The following ENPP3 variants were observed in gnomAD, a reference collection of about 807,000 sequenced individuals.
ENPP3 encodes ectonucleotide pyrophosphatase/phosphodiesterase 3.
In ENPP3, 104 loss-of-function variants were observed where a neutral mutation model predicts 117.8. That is an observed-to-expected ratio of 0.88 (90% confidence interval 0.75 to 1.04). The LOEUF (loss-of-function observed/expected upper bound fraction) is 1.04. Ranked by LOEUF, ENPP3 falls within the 50% of genes least tolerant of loss-of-function variation. The pLI is 0.00. For missense variants in ENPP3, 1,026 were observed against 1,051.9 expected (o/e 0.98, Z 0.34); for synonymous variants, 380 against 349.9 (o/e 1.09, Z -0.96).
intron 1 of ENPP3, 77 bp downstream of exon 1, chr6:131,637,539 C>G (rs1480756954): frequency 1.3e-6 from 1 of 769,956 alleles, no homozygotes; most frequent in Non-Finnish European, 2.1e-6. Flanking sequence ...ATTTACATTT[C>G]TTTGTGTTGC....
chr6:131,655,096 G>A (rs1483115107), intron 5 of ENPP3, among the ~76,000 whole-genome samples: 1 of 152,148 alleles, frequency 6.6e-6, no homozygotes, highest in Non-Finnish European at 1.5e-5. Flanking sequence ...TACATAGTAG[G>A]TACTCAAGAA....
chr6:131,692,582 C>A (rs1779303226), intron 14 of ENPP3, among the ~76,000 whole-genome samples: 2 of 149,422 alleles, frequency 1.3e-5, no homozygotes, highest in African/African-American at 2.4e-5. Flanking sequence ...GTAATTTAGA[C>A]TCAAAAGTTG....
intron 6 of ENPP3, among the ~76,000 whole-genome samples, chr6:131,665,686 A>T (rs1778602297): frequency 6.6e-6 from 1 of 151,944 alleles, no homozygotes; most frequent in Admixed American, 6.6e-5. Flanking sequence ...ACCAACTCTT[A>T]GTTTCATTGA....
intron 10 of ENPP3, among the ~76,000 whole-genome samples, chr6:131,677,227 C>A (rs1310855318): frequency 6.6e-6 from 1 of 152,066 alleles, no homozygotes; most frequent in Non-Finnish European, 1.5e-5. Flanking sequence ...ACAGTGATAT[C>A]TCTCTCAAAA....
At position 131,637,326 on chromosome 6, in the gene ENPP3, G is replaced by T; in HGVS notation, c.-59G>T. ...CATACAGTTTCTCTTTGCCAGACTAGACTAAAGAAGGAGCACTAATTTATT... is the reference window on the plus strand; with the variant it reads ...CATACAGTTTCTCTTTGCCAGACTATACTAAAGAAGGAGCACTAATTTATT... On this transcript the variant is annotated 5_prime_UTR_variant, in exon 1 of 25. Transcript: ENST00000357639. The T allele has an allele frequency of 2.8e-6, 3 of 1,086,458 alleles. No individual in the cohort carries two copies. Among genetic ancestry groups the T allele is most frequent in the South Asian group, 1.8e-5 (1 of 57,012 alleles). 67.3% of individuals were successfully genotyped at this position (1,086,458 alleles called of 1,614,324 possible).
At chr6:131,678,807 G>A (rs1185516177) in intron 11 of ENPP3, among the ~76,000 whole-genome samples, 1 of 152,156 alleles carries the variant, frequency 6.6e-6, no homozygotes, top group South Asian at 2.1e-4. Flanking sequence ...CCTGCACAGC[G>A]CTAGACTGTA....
In ENPP3 at chr6:131,659,210, G is replaced by T. The variant is rs909930107; in HGVS notation, c.562+790G>T. On this transcript the variant is annotated intron_variant, in intron 6 of 24. Coordinates refer to ENST00000357639, the MANE Select transcript of ENPP3 (RefSeq NM_005021.5). ...TGCCTGTAATCCTAGCACTTTGGGA[G>T]GTGGAGGCTAGAGCATCCCTTGAGC... is the stretch of plus-strand genomic sequence containing the variant. 5.9e-5 allele frequency among the ~76,000 whole-genome samples: 9 copies of T among 152,158 alleles called. No homozygotes were observed. The East Asian group carries it at 9.6e-4, about 16-fold the overall frequency.
chr6:131,732,547 G>A (rs989415273), intron 20 of ENPP3, among the ~76,000 whole-genome samples: 2 of 151,680 alleles, frequency 1.3e-5, no homozygotes, highest in Non-Finnish European at 2.9e-5. Context: ...CGAGTAGCTG[G>A]GATTACAGGC....
rs780684077 is a variant in ENPP3 at position 131,678,958 on chromosome 6, T to TTTCTTTCTTTCTTTCTTTCCTTCC, written c.1011+1021_1011+1022insTTTCTTTCTTTCTTTCCTTCCTTC. The stretch of plus-strand genomic sequence containing the variant: ...CTTTCTTTCTTTCTTTCTTTCTTTC[T>TTTCTTTCTTTCTTTCTTTCCTTCC]TTCCTTCCTTCCTTCCTTCCTTCCT... On this transcript the variant is annotated intron_variant, in intron 11 of 24. Transcript: ENST00000357639. Among the ~76,000 whole-genome samples the TTTCTTTCTTTCTTTCTTTCCTTCC allele has an allele frequency of 9.6e-5, 8 of 82,968 alleles. No individual in the cohort carries two copies. In the South Asian group the frequency reaches 1.4e-3, roughly 14 times the overall value. 54.4% of individuals were successfully genotyped at this position (82,968 alleles called of 152,430 possible).
At chr6:131,670,546 AGTGGT>A (rs1209827197) in intron 6 of ENPP3, among the ~76,000 whole-genome samples, 1 of 152,150 alleles carries the variant, frequency 6.6e-6, no homozygotes, top group East Asian at 1.9e-4. Flanking sequence ...GCTGAAGTGC[AGTGGT>A]GCGATGACAG....
intron 15 of ENPP3, 85 bp downstream of exon 15, chr6:131,693,709 C>T: frequency 2.3e-6 from 3 of 1,332,352 alleles, no homozygotes; most frequent in South Asian, 1.3e-5. Flanking sequence ...CTGCTATTAT[C>T]ATCACTGTGA....
At chr6:131,639,247 A>ATG (rs1777989903) in intron 1 of ENPP3, among the ~76,000 whole-genome samples, 1 of 94,810 alleles carries the variant, frequency 1.1e-5, no homozygotes, top group Non-Finnish European at 1.8e-5. Context: ...TCTTATGCTA[A>ATG]TATATATATA....
chr6:131,716,167 C>G (rs1779884244), intron 15 of ENPP3, among the ~76,000 whole-genome samples: 1 of 152,024 alleles, frequency 6.6e-6, no homozygotes, highest in Non-Finnish European at 1.5e-5. Context: ...GAATTTGTTC[C>G]AAAATATTTC....
Position 131,685,283 on chromosome 6 carries a change from G to T in ENPP3, c.1121-81G>T. 2.5e-6 allele frequency: 3 copies of T among 1,194,548 alleles called. No individual in the cohort carries two copies. The South Asian group carries it at 4.2e-5, about 17-fold the overall frequency. The allele number at this position is 1,194,548 out of a possible 1,614,324, so 74.0% of individuals were successfully genotyped here. On this transcript the variant is annotated intron_variant, in intron 12 of 24. Transcript: ENST00000357639. ...TAGTTTGAGATCTGTAACATAAAAT[G>T]TCTTCTATTTGACAAGACAGAAATC...
In ENPP3 at chr6:131,668,339, T is replaced by C. The variant is rs368579885; in HGVS notation, c.563-2909T>C. Among the ~76,000 whole-genome samples the C allele has an allele frequency of 4.1e-3, 508 of 123,182 alleles. 1 individual carries two copies. The highest frequency in any genetic ancestry group is 0.012 in the African/African-American group (424 of 35,156). The allele number at this position is 123,182 out of a possible 152,430, so 80.8% of individuals were successfully genotyped here. ...GTGATTCTCCTGTCTCGCCCCCCCC[T>C]GAGGATCTGGGATTACAGGCACGCG... On this transcript the variant is annotated intron_variant, in intron 6 of 24. Coordinates refer to ENST00000357639, the MANE Select transcript of ENPP3 (RefSeq NM_005021.5).
rs575727272 is a variant in ENPP3 at position 131,691,905 on chromosome 6, A to G, written c.1285-1592A>G. On this transcript the variant is annotated intron_variant, in intron 14 of 24. Coordinates refer to ENST00000357639, the MANE Select transcript of ENPP3 (RefSeq NM_005021.5). ...TAATGATAAATAAAACAGTAGAAGC[A>G]TAAGAAGCCTAGAAAATATACCAAA... is the stretch of plus-strand genomic sequence containing the variant. Among the ~76,000 whole-genome samples, 167 of 152,370 alleles carry G rather than the reference A, an allele frequency of 1.1e-3. 1 individual carries two copies. The highest frequency in any genetic ancestry group is 9.1e-4 in the Admixed American group (14 of 15,304).
At chr6:131,673,777 C>T (rs944631007) in intron 7 of ENPP3, among the ~76,000 whole-genome samples, 1 of 151,990 alleles carries the variant, frequency 6.6e-6, no homozygotes, top group Non-Finnish European at 1.5e-5. Context: ...TGAACATGTA[C>T]AGACTTTTTT....
intron 18 of ENPP3, among the ~76,000 whole-genome samples, chr6:131,722,730 G>A (rs909856469): frequency 2.0e-5 from 3 of 151,722 alleles, no homozygotes; most frequent in African/African-American, 7.3e-5. Context: ...TTCTTCCTGC[G>A]GTTTATGAAT....
chr6:131,695,268 C>T (rs1053544090), intron 15 of ENPP3, among the ~76,000 whole-genome samples: 1 of 152,066 alleles, frequency 6.6e-6, no homozygotes, highest in Non-Finnish European at 1.5e-5. Context: ...AGTCTAACAC[C>T]AAACAAGTTA....
Sources: gnomAD v4.1 joint callset for allele counts (sites outside exome capture counted in the v4.1 genomes callset) on GRCh38, gnomAD v4.1.1 for gene constraint, MANE v1.5 for transcripts, NCBI Gene and HGNC (gene_info 2026-07-23, HGNC 2026-07-21) for gene names.